TMEM117: variants seen among roughly 807,000 people sequenced by gnomAD.
TMEM117 encodes the protein transmembrane protein 117.
Under a neutral mutation model 52.4 loss-of-function variants are expected in TMEM117, and 27 were observed. The observed-to-expected ratio is 0.51, with a 90% CI of 0.38 to 0.71. The LOEUF is 0.71. Ranked by LOEUF, TMEM117 falls within the 30% of genes least tolerant of loss-of-function variation. TMEM117 has a pLI of 0.00. For missense variants in TMEM117, 556 were observed against 630.5 expected, an observed-to-expected ratio of 0.88 and a Z score of 1.26; for synonymous variants, 215 against 206.3, an observed-to-expected ratio of 1.04 and a Z score of -0.36.
chr12:44,187,160 G>A (rs1365563446), intron 4 of TMEM117, among the ~76,000 whole-genome samples: 1 of 152,006 alleles, frequency 6.6e-6, no homozygotes, highest in Non-Finnish European at 1.5e-5. Flanking sequence ...TAATATATAT[G>A]TGCTTTTTCA....
intron 3 of TMEM117, among the ~76,000 whole-genome samples, chr12:44,114,185 G>C (rs1948091868): frequency 6.6e-6 from 1 of 151,934 alleles, no homozygotes; most frequent in Non-Finnish European, 1.5e-5. Context: ...GCTCACGCTG[G>C]GAGCTGTAGA....
At chr12:43,957,775 A>G (rs949032500) in intron 3 of TMEM117, among the ~76,000 whole-genome samples, 1 of 152,202 alleles carries the variant, frequency 6.6e-6, no homozygotes, top group Non-Finnish European at 1.5e-5. Flanking sequence ...TATAGCATCC[A>G]TAGTATAAAG....
At chr12:44,346,105 G>A (rs2138765085) in intron 6 of TMEM117, among the ~76,000 whole-genome samples, 1 of 151,932 alleles carries the variant, frequency 6.6e-6, no homozygotes, top group East Asian at 1.9e-4. Flanking sequence ...TGTTTAATTT[G>A]GTTACCTTTA....
chr12:44,175,634 G>A (rs1361182802), intron 4 of TMEM117, among the ~76,000 whole-genome samples: 4 of 152,144 alleles, frequency 2.6e-5, no homozygotes, highest in Admixed American at 1.3e-4. Context: ...TAGGTGACAT[G>A]ATGGCCAAGG....
At chr12:44,144,865 T>C (rs1948619300) in intron 4 of TMEM117, among the ~76,000 whole-genome samples, 1 of 152,210 alleles carries the variant, frequency 6.6e-6, no homozygotes, top group Non-Finnish European at 1.5e-5. Flanking sequence ...ATGAGAATTT[T>C]CTTTTTTCTG....
At chr12:44,317,179 G>A (rs1339215320) in intron 6 of TMEM117, among the ~76,000 whole-genome samples, 1 of 150,316 alleles carries the variant, frequency 6.7e-6, no homozygotes. Flanking sequence ...TTCATGGTAT[G>A]AGAAAAGTTG....
At chr12:44,217,078 C>A (rs1457016963) in intron 5 of TMEM117, among the ~76,000 whole-genome samples, 1 of 151,986 alleles carries the variant, frequency 6.6e-6, no homozygotes, top group Non-Finnish European at 1.5e-5. Flanking sequence ...TGATTATTAT[C>A]TTAATATACA....
chr12:44,289,655 C>T (rs944948987), intron 5 of TMEM117, among the ~76,000 whole-genome samples: 2 of 149,842 alleles, frequency 1.3e-5, no homozygotes, highest in South Asian at 2.1e-4. Flanking sequence ...CAGGTTCAAG[C>T]GATTCTCCTG....
At chr12:44,035,176 G>A (rs374302344) in intron 3 of TMEM117, among the ~76,000 whole-genome samples, 3 of 152,108 alleles carry the variant, frequency 2.0e-5, no homozygotes, top group South Asian at 4.1e-4. Flanking sequence ...ATAAATCTCC[G>A]TGTGTGTATC....
chr12:43,814,396 A>C, the TMEM117 span, among the ~76,000 whole-genome samples: 1 of 152,082 alleles, frequency 6.6e-6, no homozygotes, highest in African/African-American at 2.4e-5. Flanking sequence ...CATCCTTCTA[A>C]CATCATAGCA....
At chr12:44,182,824 C>T (rs1949223002) in intron 4 of TMEM117, among the ~76,000 whole-genome samples, 1 of 152,016 alleles carries the variant, frequency 6.6e-6, no homozygotes, top group African/African-American at 2.4e-5. Context: ...AGTAGCACCT[C>T]CATCTTGTAT....
At position 44,027,114 on chromosome 12, in the gene TMEM117, ATCTTAT is replaced by A. The variant is rs1565797770; in HGVS notation, c.410+82774_410+82779del. Among the ~76,000 whole-genome samples the A allele has an allele frequency of 1.3e-3, 162 of 125,060 alleles. 2 individuals are homozygous for A. Among genetic ancestry groups the A allele is most frequent in the Middle Eastern group, 4.4e-3 (1 of 228 alleles). 82.0% of individuals were successfully genotyped at this position (125,060 alleles called of 152,430 possible). On this transcript the variant is annotated intron_variant, in intron 3 of 7. Coordinates refer to ENST00000266534, the MANE Select transcript of TMEM117 (RefSeq NM_032256.3). Reference sequence around the variant, plus strand: ...ATTTTATTTTATTTTATTTTATTTTATCTTATTATTTTATTTTATATTTTATTTTAT... The same window carrying A: ...ATTTTATTTTATTTTATTTTATTTTATATTTTATTTTATATTTTATTTTAT...
intron 3 of TMEM117, among the ~76,000 whole-genome samples, chr12:43,986,946 A>G (rs1160809523): frequency 6.6e-6 from 1 of 152,044 alleles, no homozygotes; most frequent in Non-Finnish European, 1.5e-5. Flanking sequence ...TTTAAGTCAT[A>G]TTTTCTCCCT....
chr12:44,285,303 T>C (rs1360564376), intron 5 of TMEM117, among the ~76,000 whole-genome samples: 3 of 152,196 alleles, frequency 2.0e-5, no homozygotes, highest in Non-Finnish European at 1.5e-5. Flanking sequence ...CAAAGATAAA[T>C]AACACGTAAA....
chr12:44,052,613 C>A (rs1946991452), intron 3 of TMEM117, among the ~76,000 whole-genome samples: 1 of 152,150 alleles, frequency 6.6e-6, no homozygotes, highest in African/African-American at 2.4e-5. Flanking sequence ...ATTTCCCAGA[C>A]ACTGCTGGTG....
chr12:43,963,721 T>C (rs1945441292), intron 3 of TMEM117, among the ~76,000 whole-genome samples: 1 of 152,222 alleles, frequency 6.6e-6, no homozygotes, highest in Admixed American at 6.5e-5. Flanking sequence ...AAGGTTGGCA[T>C]GATTGGAGAT....
intron 3 of TMEM117, among the ~76,000 whole-genome samples, chr12:43,988,897 G>A (rs940702761): frequency 3.9e-5 from 6 of 152,110 alleles, no homozygotes; most frequent in Non-Finnish European, 7.4e-5. Context: ...TTAATTATAA[G>A]CACCTTTTCC....
chr12:44,152,903 G>A (rs535712449), intron 4 of TMEM117, among the ~76,000 whole-genome samples: 1 of 145,654 alleles, frequency 6.9e-6, no homozygotes, highest in African/African-American at 2.5e-5. Context: ...CCCCTGATTC[G>A]TTAATTATAT....
intron 6 of TMEM117, among the ~76,000 whole-genome samples, chr12:44,368,870 T>C (rs1044557654): frequency 9.2e-5 from 14 of 152,116 alleles, no homozygotes; most frequent in Admixed American, 9.2e-4. Flanking sequence ...GAGTAAGAAA[T>C]ATGCCAATTT....
Sources: allele counts gnomAD v4.1 joint callset (sites outside exome capture counted in the v4.1 genomes callset), GRCh38; gene constraint gnomAD v4.1.1; transcripts MANE v1.5; gene names NCBI Gene and HGNC (gene_info 2026-07-23, HGNC 2026-07-21).